The following C5orf34 variants were observed in gnomAD, a reference collection of about 807,000 sequenced individuals.
C5orf34 encodes chromosome 5 open reading frame 34, also known as uncharacterized protein C5orf34.
Under a neutral mutation model 78.4 loss-of-function variants are expected in C5orf34, and 73 were observed. That is an observed-to-expected ratio of 0.93 (90% CI 0.77 to 1.13). The LOEUF (loss-of-function observed/expected upper bound fraction) is 1.13, where lower values mean the gene tolerates loss of function less well. Among genes scored for constraint, C5orf34 ranks in the 50% most tolerant of loss-of-function variants. The pLI is 0.00. For missense variants in C5orf34, 730 were observed against 732.7 expected, an observed-to-expected ratio of 1.00 and a Z score of 0.04; for synonymous variants, 251 against 246.6, an observed-to-expected ratio of 1.02 and a Z score of -0.17.
intron 6 of C5orf34, among the ~76,000 whole-genome samples, chr5:43,498,252 A>G (rs1381052813): frequency 6.6e-6 from 1 of 152,126 alleles, no homozygotes; most frequent in Non-Finnish European, 1.5e-5. Flanking sequence ...TATTTTAATT[A>G]TTTATGTCTT....
chr5:43,493,739 C>T (rs1745383046), intron 7 of C5orf34, 127 bp from the exon 8 acceptor site: 1 of 565,802 alleles, frequency 1.8e-6, no homozygotes, highest in Non-Finnish European at 3.1e-6. Flanking sequence ...GTGTTGGGAA[C>T]TCTTTTTTTC....
At position 43,492,268 on chromosome 5, in the gene C5orf34, A is replaced by C. The variant is rs1359231443; in HGVS notation, c.1527T>G (p.Phe509Leu). The change falls in exon 10 of 13, where the codon TTT becomes TTG. Residue 509 changes from phenylalanine to leucine, a missense_variant. Coordinates refer to ENST00000306862, the MANE Select transcript of C5orf34 (RefSeq NM_198566.4). ...GLNLGWCKLT[F>L]PDGQEQLIQI... ...GAATTAACTGCTCTTGTCCATCAGG[A>C]AAAGTTAACTTACACCAACCTAAGT... 1.2e-6 allele frequency: 2 copies of C among 1,612,280 alleles called. No homozygotes were observed. Among genetic ancestry groups the C allele is most frequent in the East Asian group, 4.5e-5 (2 of 44,736 alleles).
intron 6 of C5orf34, among the ~76,000 whole-genome samples, 156 bp from the exon 7 acceptor site, chr5:43,494,757 T>C (rs1745426799): frequency 6.6e-6 from 1 of 152,230 alleles, no homozygotes; most frequent in South Asian, 2.1e-4. Context: ...TTATGATGCT[T>C]TTTCATTTTC....
rs1429913628 is a variant in C5orf34, at chr5:43,486,825, G to A, written c.*90C>T. Reference sequence around the variant, plus strand: ...CACAATCATTGTGCCGGGGTAATACGTACAATATCTTGGCTTACTAGTAAT... The same window carrying A: ...CACAATCATTGTGCCGGGGTAATACATACAATATCTTGGCTTACTAGTAAT... On this transcript the variant is annotated 3_prime_UTR_variant, in exon 13 of 13. Coordinates refer to ENST00000306862, the MANE Select transcript of C5orf34 (RefSeq NM_198566.4). 26 of 657,276 alleles carry A rather than the reference G, an allele frequency of 4.0e-5. No homozygotes were observed. Among genetic ancestry groups the A allele is most frequent in the Middle Eastern group, 8.9e-4 (2 of 2,246 alleles). 40.7% of individuals were successfully genotyped at this position (657,276 alleles called of 1,614,324 possible).
chr5:43,502,216 C>A (rs1745785861), intron 6 of C5orf34, among the ~76,000 whole-genome samples, 156 bp downstream of exon 6: 1 of 152,134 alleles, frequency 6.6e-6, no homozygotes, highest in Non-Finnish European at 1.5e-5. Context: ...TTAATAATTA[C>A]TGTACCAATG....
At chr5:43,496,499 C>T in intron 6 of C5orf34, 1 of 1,429,560 alleles carries the variant, frequency 7.0e-7, no homozygotes. Context: ...GTTCTGGTGG[C>T]AAACCCATTG....
chr5:43,503,656 G>A lies in C5orf34; in HGVS notation c.1028+9C>T. The A allele has an allele frequency of 6.4e-7, 1 of 1,570,748 alleles. No individual in the cohort carries two copies. The highest frequency in any genetic ancestry group is 8.8e-7 in the Non-Finnish European group (1 of 1,140,616). On this transcript the variant is annotated intron_variant, in intron 5 of 12. Transcript: ENST00000306862. ...AACTCCAACATAGAAGCCAACATAG[G>A]TGCCTTACCTATATGTAACACCTTT...
intron 6 of C5orf34, among the ~76,000 whole-genome samples, chr5:43,501,669 TA>T (rs1478046129): frequency 6.6e-6 from 1 of 152,142 alleles, no homozygotes; most frequent in Admixed American, 6.5e-5. Context: ...TTTCCATAGT[TA>T]AAAAAATCTC....
chr5:43,504,590 G>A (rs775176673), intron 4 of C5orf34, among the ~76,000 whole-genome samples: 1 of 152,174 alleles, frequency 6.6e-6, no homozygotes, highest in Non-Finnish European at 1.5e-5. Context: ...CTCCTGCAGA[G>A]TAAAGAGTAG....
At chr5:43,497,913 G>A (rs967954908) in intron 6 of C5orf34, among the ~76,000 whole-genome samples, 5 of 152,052 alleles carry the variant, frequency 3.3e-5, no homozygotes, top group Admixed American at 6.6e-5. Flanking sequence ...CATTTATCAC[G>A]TTGTTCCCTC....
In C5orf34 at chr5:43,493,578, A is replaced by C. The variant is rs1370954631; in HGVS notation, c.1279T>G (p.Leu427Val). 2 of 1,582,588 alleles carry C rather than the reference A, an allele frequency of 1.3e-6. No individual in the cohort carries two copies. Among genetic ancestry groups the C allele is most frequent in the Non-Finnish European group, 1.7e-6 (2 of 1,162,380 alleles). ...LQHCVKMRLS[L>V]SHNYRICCWK... ...CAGCATATACGATAGTTATGGCTTA[A>C]AGAAAGTCTCATCTTCACACAATGT... Residue 427 changes from leucine (L) to valine (V), a missense_variant, in exon 8 of 13, where the codon TTA becomes GTA. Physicochemically the swap from Leu to Val is conservative, Grantham distance 32. Coordinates refer to ENST00000306862, the MANE Select transcript of C5orf34 (RefSeq NM_198566.4).
At chr5:43,497,271 T>C (rs1184585535) in intron 6 of C5orf34, among the ~76,000 whole-genome samples, 2 of 152,240 alleles carry the variant, frequency 1.3e-5, no homozygotes, top group African/African-American at 4.8e-5. Flanking sequence ...GGTCCAAAGC[T>C]GTGTTCACAT....
In C5orf34 at chr5:43,503,764, TGAA is replaced by T; in HGVS notation, c.933-7_933-5del. 1 of 1,594,024 alleles carries T rather than the reference TGAA, an allele frequency of 6.3e-7. No homozygotes were observed. Among genetic ancestry groups the T allele is most frequent in the Non-Finnish European group, 8.6e-7 (1 of 1,161,900 alleles). ...AAGTGAATCACAAAAATTCCACCTG[TGAA>T]GGATAAAATACAAGCTATTACTTCT... On this transcript the variant is annotated splice_polypyrimidine_tract_variant and splice_region_variant and intron_variant, in intron 4 of 12. Transcript: ENST00000306862.
intron 5 of C5orf34, among the ~76,000 whole-genome samples, chr5:43,502,757 ATCT>A (rs1341748336): frequency 2.0e-5 from 3 of 152,242 alleles, no homozygotes; most frequent in Non-Finnish European, 2.9e-5. Context: ...TTGTCTTATC[ATCT>A]TCTTGATATC....
chr5:43,504,680 GC>G (rs754004806), intron 4 of C5orf34, among the ~76,000 whole-genome samples: 1 of 152,164 alleles, frequency 6.6e-6, no homozygotes, highest in Non-Finnish European at 1.5e-5. Flanking sequence ...GAAAGCAAGG[GC>G]AAGAGTAGTG....
intron 2 of C5orf34, 85 bp downstream of exon 2, chr5:43,509,060 G>T: frequency 1.9e-6 from 2 of 1,032,844 alleles, no homozygotes. Context: ...AGCTATGGTA[G>T]TGCCACTGTA....
chr5:43,496,993 T>C (rs549662750), intron 6 of C5orf34, among the ~76,000 whole-genome samples: 2 of 152,252 alleles, frequency 1.3e-5, no homozygotes. Context: ...CCCCTTTCCC[T>C]TAAGACAAAA....
At chr5:43,498,316 A>T (rs1043455687) in intron 6 of C5orf34, among the ~76,000 whole-genome samples, 2 of 152,086 alleles carry the variant, frequency 1.3e-5, no homozygotes, top group East Asian at 3.9e-4. Context: ...ACCCTATTTC[A>T]TCAACTCTAA....
chr5:43,511,892 G>A (rs374013031), intron 1 of C5orf34, among the ~76,000 whole-genome samples: 262 of 150,424 alleles, frequency 1.7e-3, no homozygotes, highest in African/African-American at 6.1e-3. Context: ...CAAACACTGC[G>A]GAAGGCTGCA....
Sources: allele counts gnomAD v4.1 joint callset (sites outside exome capture counted in the v4.1 genomes callset), GRCh38; gene constraint gnomAD v4.1.1; transcripts MANE v1.5; gene names NCBI Gene and HGNC (gene_info 2026-07-23, HGNC 2026-07-21).